The following ARHGEF38 variants were observed in gnomAD, a reference collection of about 807,000 sequenced individuals.
ARHGEF38 encodes the protein Rho guanine nucleotide exchange factor (GEF) 38.
In ARHGEF38, 79 loss-of-function variants were observed where a neutral mutation model predicts 79.9. The observed-to-expected ratio is 0.99, with a 90% CI of 0.82 to 1.19. The LOEUF (loss-of-function observed/expected upper bound fraction) is 1.19, where lower values mean the gene tolerates loss of function less well. ARHGEF38 is among the 50% of genes most tolerant of loss of function. The probability of loss-of-function intolerance (pLI) is 0.00; values close to 1 mark genes in which losing one functional copy is unlikely to be tolerated. For missense variants in ARHGEF38, 962 were observed against 907.2 expected, an observed-to-expected ratio of 1.06 and a Z score of -0.78; for synonymous variants, 366 against 328.3, an observed-to-expected ratio of 1.11 and a Z score of -1.24.
At chr4:105,677,444 A>T (rs1731162661) in intron 13 of ARHGEF38, among the ~76,000 whole-genome samples, 1 of 152,224 alleles carries the variant, frequency 6.6e-6, no homozygotes, top group Admixed American at 6.5e-5. Context: ...GAGATTCTTC[A>T]AGCTATTTTG....
At chr4:105,654,199 C>G in intron 8 of ARHGEF38, 30 bp downstream of exon 8, 3 of 1,259,402 alleles carry the variant, frequency 2.4e-6, no homozygotes, top group Non-Finnish European at 3.3e-6. Flanking sequence ...TTTCAGTGTT[C>G]TACAGGAACA....
chr4:105,621,923 G>A (rs1035101949), intron 3 of ARHGEF38, among the ~76,000 whole-genome samples: 2 of 152,118 alleles, frequency 1.3e-5, no homozygotes, highest in African/African-American at 4.8e-5. Context: ...GAAGTAATAG[G>A]AAAGCTGTCC....
intron 12 of ARHGEF38, 29 bp from the exon 13 acceptor site, chr4:105,667,415 G>C (rs757932689): frequency 3.6e-5 from 55 of 1,534,380 alleles, no homozygotes; most frequent in Non-Finnish European, 4.8e-5. Flanking sequence ...CATGAACTTG[G>C]TTCTTCTTTC....
intron 2 of ARHGEF38, among the ~76,000 whole-genome samples, chr4:105,609,374 C>G (rs1047529511): frequency 6.6e-6 from 1 of 151,932 alleles, no homozygotes; most frequent in Non-Finnish European, 1.5e-5. Context: ...TATGCTGGTA[C>G]CATGCTGTTT....
chr4:105,561,419 A>AGAATAGAATAGAATAGAATAGAATG lies in ARHGEF38; in HGVS notation c.196+8462_196+8463insAGAATAGAATAGAATAGAATGGAAT, dbSNP rs1560684256. Among the ~76,000 whole-genome samples the AGAATAGAATAGAATAGAATAGAATG allele has an allele frequency of 3.0e-4, 14 of 46,084 alleles. 2 individuals carry two copies. The highest frequency in any genetic ancestry group is 5.1e-4 in the Non-Finnish European group (12 of 23,710). The allele number at this position is 46,084 out of a possible 152,430, so 30.2% of individuals were successfully genotyped here. A position where few individuals can be genotyped will look rare whatever the true frequency, so the allele number is the denominator to read the frequency against. On this transcript the variant is annotated intron_variant, in intron 1 of 13. Coordinates refer to ENST00000420470, the MANE Select transcript of ARHGEF38 (RefSeq NM_001242729.2). ...GTAGAATAATAGAATAGAATAGAATAGAATGGAATAGAATAGAATAGAATA... is the reference window on the plus strand; with the variant it reads ...GTAGAATAATAGAATAGAATAGAATAGAATAGAATAGAATAGAATAGAATGGAATGGAATAGAATAGAATAGAATA...
intron 1 of ARHGEF38, among the ~76,000 whole-genome samples, chr4:105,574,933 C>T (rs1726416998): frequency 6.6e-6 from 1 of 151,518 alleles, no homozygotes; most frequent in African/African-American, 2.4e-5. Flanking sequence ...TTTTTTATGG[C>T]TATATTCCAT....
intron 4 of ARHGEF38, chr4:105,631,349 C>T: frequency 4.9e-6 from 5 of 1,026,330 alleles, no homozygotes; most frequent in Non-Finnish European, 5.8e-6. Flanking sequence ...TTGTAACTTG[C>T]CTGGCCCCAC....
intron 1 of ARHGEF38, among the ~76,000 whole-genome samples, chr4:105,564,568 A>G (rs578108030): frequency 2.0e-5 from 3 of 152,322 alleles, no homozygotes; most frequent in Admixed American, 1.3e-4. Flanking sequence ...ATGATTGCAT[A>G]ATAATGTGAA....
chr4:105,660,812 CT>C (rs1220273604), intron 10 of ARHGEF38, among the ~76,000 whole-genome samples: 1 of 152,154 alleles, frequency 6.6e-6, no homozygotes, highest in African/African-American at 2.4e-5. Context: ...TAACCATTCC[CT>C]TTTTTTAAAA....
chr4:105,632,564 C>A (rs542773040), intron 4 of ARHGEF38: 5 of 152,134 alleles, frequency 3.3e-5, no homozygotes, highest in African/African-American at 1.2e-4. Flanking sequence ...CTGTTTTATT[C>A]TTTGGGAAAA....
intron 1 of ARHGEF38, among the ~76,000 whole-genome samples, chr4:105,579,901 G>A (rs2110437814): frequency 6.6e-6 from 1 of 152,196 alleles, no homozygotes; most frequent in African/African-American, 2.4e-5. Context: ...TACTTACTCA[G>A]TTTTGGAGCT....
intron 3 of ARHGEF38, among the ~76,000 whole-genome samples, chr4:105,628,528 T>A (rs773891607): frequency 6.6e-6 from 1 of 152,098 alleles, no homozygotes; most frequent in Non-Finnish European, 1.5e-5. Flanking sequence ...GTTATCAGTG[T>A]TGAAGAACAA....
At chr4:105,604,660 A>G (rs1403100556) in intron 2 of ARHGEF38, among the ~76,000 whole-genome samples, 1 of 152,132 alleles carries the variant, frequency 6.6e-6, no homozygotes, top group Non-Finnish European at 1.5e-5. Flanking sequence ...TTGGGCCTAA[A>G]GGATATGGAT....
intron 2 of ARHGEF38, among the ~76,000 whole-genome samples, chr4:105,591,722 C>T (rs1048438521): frequency 6.6e-6 from 1 of 152,158 alleles, no homozygotes. Flanking sequence ...TTAATGCTTA[C>T]TATATGTCAG....
chr4:105,662,029 G>A (rs1243093505), intron 10 of ARHGEF38, among the ~76,000 whole-genome samples: 1 of 152,086 alleles, frequency 6.6e-6, no homozygotes, highest in East Asian at 1.9e-4. Flanking sequence ...AATTTTGCTG[G>A]ATATTGCCAG....
At chr4:105,637,097 G>C (rs1463669380) in intron 5 of ARHGEF38, among the ~76,000 whole-genome samples, 1 of 152,084 alleles carries the variant, frequency 6.6e-6, no homozygotes, top group African/African-American at 2.4e-5. Context: ...TTTGGCTTAT[G>C]ATGAGCAACT....
chr4:105,586,662 G>A (rs1727064391), intron 1 of ARHGEF38, among the ~76,000 whole-genome samples: 1 of 152,152 alleles, frequency 6.6e-6, no homozygotes, highest in Non-Finnish European at 1.5e-5. Context: ...CCTTCTCCTT[G>A]CTAGGATCCC....
Position 105,607,893 on chromosome 4 carries a change from CA to C in ARHGEF38, c.385-5490del, listed in dbSNP as rs573516052. On this transcript the variant is annotated intron_variant, in intron 2 of 13. Coordinates refer to ENST00000420470, the MANE Select transcript of ARHGEF38 (RefSeq NM_001242729.2). Reference sequence around the variant, plus strand: ...AGCTTTCCTCTTTGTGACTTTTTCACAGACAAGTTCTCCACAAAGATGACTG... The same window carrying C: ...AGCTTTCCTCTTTGTGACTTTTTCACGACAAGTTCTCCACAAAGATGACTG... Among the ~76,000 whole-genome samples the C allele has an allele frequency of 7.9e-5, 12 of 152,156 alleles. No homozygotes were observed. The South Asian group carries it at 2.5e-3, about 32-fold the overall frequency.
intron 13 of ARHGEF38, among the ~76,000 whole-genome samples, chr4:105,675,436 TA>T (rs905090767): frequency 7.2e-5 from 11 of 152,324 alleles, no homozygotes; most frequent in African/African-American, 1.9e-4. Context: ...CTTCTTTACT[TA>T]AAAAAATTAT....
Sources: allele counts gnomAD v4.1 joint callset (sites outside exome capture counted in the v4.1 genomes callset), GRCh38; gene constraint gnomAD v4.1.1; transcripts MANE v1.5; gene names NCBI Gene and HGNC (gene_info 2026-07-23, HGNC 2026-07-21).